WHAMM: variants seen among roughly 807,000 people sequenced by gnomAD.
WHAMM encodes WASP homolog-associated protein with actin, membranes and microtubules.
A neutral mutation model predicts 76.5 loss-of-function variants in WHAMM; 67 were observed. The observed-to-expected ratio is 0.88, with a 90% CI of 0.72 to 1.07. The LOEUF (loss-of-function observed/expected upper bound fraction) is 1.07. WHAMM is among the 50% of genes least tolerant of loss of function. The probability of loss-of-function intolerance (pLI) is 0.00; values close to 1 mark genes in which losing one functional copy is unlikely to be tolerated. For synonymous variants in WHAMM, 419 were observed against 422.1 expected (o/e 0.99, Z 0.09); for missense variants, 1,021 against 1,051.1 (o/e 0.97, Z 0.40).
intron 1 of WHAMM, among the ~76,000 whole-genome samples, chr15:82,811,305 A>T (rs565635452): frequency 6.6e-6 from 1 of 152,182 alleles, no homozygotes; most frequent in East Asian, 1.9e-4. Context: ...TCAGCGTTTG[A>T]TCTTCAACTT....
chr15:82,810,344 G>C lies in WHAMM; in HGVS notation c.609+9G>C. On this transcript the variant is annotated intron_variant, in intron 1 of 9. Transcript: ENST00000286760. Reference sequence around the variant, plus strand: ...ACGCGCGGCTGCGCCAGGTAAGCGAGGCCCGGTCGCCGGCGTTCGTCCGCG... The same window carrying C: ...ACGCGCGGCTGCGCCAGGTAAGCGACGCCCGGTCGCCGGCGTTCGTCCGCG... 7.7e-7 allele frequency: 1 copy of C among 1,306,598 alleles called. No homozygotes were observed. The highest frequency in any genetic ancestry group is 9.7e-7 in the Non-Finnish European group (1 of 1,032,594). 80.9% of individuals were successfully genotyped at this position (1,306,598 alleles called of 1,614,324 possible).
rs371290123 is a variant in WHAMM, at chr15:82,830,703, G to T, written c.1746G>T (p.Ala582=). The change falls in exon 9 of 10, where the codon GCG becomes GCT. Residue 582 remains alanine, a synonymous_variant. Coordinates refer to ENST00000286760, the MANE Select transcript of WHAMM (RefSeq NM_001080435.3). ...SQQMCLPASH[A]VSVIHPSSRK... is the part of the protein sequence containing the mutation. ...AGATGTGCTTGCCAGCTTCCCACGC[G>T]GTGTCAGTAATTCACCCGTCCTCTA... 1.2e-6 allele frequency: 2 copies of T among 1,613,858 alleles called. No individual in the cohort carries two copies. The highest frequency in any genetic ancestry group is 1.1e-5 in the South Asian group (1 of 91,074).
chr15:82,833,701 CT>C lies in WHAMM; in HGVS notation c.*171del, dbSNP rs1193968608. The C allele has an allele frequency of 1.5e-6, 1 of 685,312 alleles. No homozygotes were observed. Among genetic ancestry groups the C allele is most frequent in the Non-Finnish European group, 2.3e-6 (1 of 437,592 alleles). The allele number at this position is 685,312 out of a possible 1,614,324, so 42.5% of individuals were successfully genotyped here. ...CTGCTGCAGCATTTTTTTTTTTTTT[CT>C]TTTTTGAGATGGAGTCTCACTCTGT... On this transcript the variant is annotated 3_prime_UTR_variant, in exon 10 of 10. Transcript: ENST00000286760.
intron 9 of WHAMM, among the ~76,000 whole-genome samples, chr15:82,831,828 A>G (rs905989548): frequency 6.6e-6 from 1 of 152,204 alleles, no homozygotes; most frequent in Non-Finnish European, 1.5e-5. Flanking sequence ...AGCAAAATTT[A>G]TGTAAATTTG....
At chr15:82,820,762 G>A (rs962844571) in intron 5 of WHAMM, among the ~76,000 whole-genome samples, 1 of 151,998 alleles carries the variant, frequency 6.6e-6, no homozygotes, top group East Asian at 1.9e-4. Context: ...GGGCATGATG[G>A]TAGGCGCCTG....
At chr15:82,811,240 C>T (rs1326520704) in intron 1 of WHAMM, among the ~76,000 whole-genome samples, 1 of 152,204 alleles carries the variant, frequency 6.6e-6, no homozygotes, top group African/African-American at 2.4e-5. Flanking sequence ...ACACCCACTT[C>T]TCGTGTTGAT....
In WHAMM at chr15:82,810,344, G is replaced by T; in HGVS notation, c.609+9G>T. 7.7e-7 allele frequency: 1 copy of T among 1,306,598 alleles called. No homozygotes were observed. The highest frequency in any genetic ancestry group is 3.2e-5 in the East Asian group (1 of 31,560). 80.9% of individuals were successfully genotyped at this position (1,306,598 alleles called of 1,614,324 possible). A position where few individuals can be genotyped will look rare whatever the true frequency, so the allele number is the denominator to read the frequency against. ...ACGCGCGGCTGCGCCAGGTAAGCGAGGCCCGGTCGCCGGCGTTCGTCCGCG... is the reference window on the plus strand; with the variant it reads ...ACGCGCGGCTGCGCCAGGTAAGCGATGCCCGGTCGCCGGCGTTCGTCCGCG... On this transcript the variant is annotated intron_variant, in intron 1 of 9. Coordinates refer to ENST00000286760, the MANE Select transcript of WHAMM (RefSeq NM_001080435.3).
At position 82,809,881 on chromosome 15, in the gene WHAMM, A is replaced by T; in HGVS notation, c.155A>T (p.Gln52Leu). The T allele has an allele frequency of 6.4e-7, 1 of 1,560,326 alleles. No homozygotes were observed. Among genetic ancestry groups the T allele is most frequent in the Non-Finnish European group, 8.7e-7 (1 of 1,151,506 alleles). The part of the protein sequence containing the change: ...AVTCHDRTAQ[Q>L]RRLREGARLG... ...ACTTGTCACGACCGTACCGCGCAGC[A>T]GCGGCGGCTGCGCGAGGGGGCCCGG... The change falls in exon 1 of 10, where the codon CAG becomes CTG. Residue 52 changes from glutamine (Q) to leucine (L), a missense_variant. Around this residue, in one of 3 missense-constraint regions of WHAMM, gnomAD observed 501 missense variants for 524.9 expected, o/e 0.95. Coordinates refer to ENST00000286760, the MANE Select transcript of WHAMM (RefSeq NM_001080435.3).
At chr15:82,833,196 T>C (rs764390799) in intron 9 of WHAMM, 33 bp from the exon 10 acceptor site, 5 of 1,591,524 alleles carry the variant, frequency 3.1e-6, no homozygotes, top group African/African-American at 1.3e-5. Flanking sequence ...AAGTGTTTTA[T>C]TGATAGTACT....
Position 82,835,050 on chromosome 15 carries a change from C to T in WHAMM, c.*1514C>T, listed in dbSNP as rs17292592. ...CTCTGGTGATATTACTCCTGGGTCT[C>T]CACAGAACAAAAGGAACGCACCTCG... On this transcript the variant is annotated 3_prime_UTR_variant, in exon 10 of 10. Transcript: ENST00000286760. 0.027 allele frequency: 4,181 copies of T among 152,284 alleles called. 80 individuals are homozygous for T. The highest frequency in any genetic ancestry group is 0.068 in the Middle Eastern group (20 of 294). 9.4% of individuals were successfully genotyped at this position (152,284 alleles called of 1,614,324 possible). A position where few individuals can be genotyped will look rare whatever the true frequency, so the allele number is the denominator to read the frequency against.
intron 1 of WHAMM, among the ~76,000 whole-genome samples, chr15:82,811,109 G>A (rs1214515334): frequency 6.6e-6 from 1 of 152,200 alleles, no homozygotes; most frequent in Non-Finnish European, 1.5e-5. Flanking sequence ...AAGGGGAAGT[G>A]AAGAGAAGAA....
rs1389791189 is a variant in WHAMM, at chr15:82,813,204, G to A, written c.711G>A (p.Met237Ile). The A allele has an allele frequency of 3.7e-6, 6 of 1,612,806 alleles. No individual in the cohort carries two copies. The highest frequency in any genetic ancestry group is 4.2e-6 in the Non-Finnish European group (5 of 1,179,478). The change falls in exon 2 of 10, where the codon ATG (methionine) becomes ATA (isoleucine). Residue 237 changes from methionine to isoleucine, a missense_variant. By Grantham distance (10) the Met-to-Ile change is conservative. Transcript: ENST00000286760. ...AGGAATTGGTTACCGTGGCAACCATGTTCTTCCAGTACTTATTGCAGCCAT... is the reference window on the plus strand; with the variant it reads ...AGGAATTGGTTACCGTGGCAACCATATTCTTCCAGTACTTATTGCAGCCAT... ...AYQELVTVATMFFQYLLQPFR... is the reference protein window; with the variant it reads ...AYQELVTVATIFFQYLLQPFR...
chr15:82,829,708 T>G (rs1023648636), intron 8 of WHAMM, among the ~76,000 whole-genome samples: 98 of 148,022 alleles, frequency 6.6e-4, no homozygotes, highest in Middle Eastern at 3.5e-3. Context: ...ATGGGGGGGG[T>G]GTGTGTGTGT....
At chr15:82,828,362 T>C (rs1241074266) in intron 8 of WHAMM, among the ~76,000 whole-genome samples, 1 of 152,132 alleles carries the variant, frequency 6.6e-6, no homozygotes, top group East Asian at 1.9e-4. Context: ...TTCTAAGTAC[T>C]AAGGCCCAGC....
chr15:82,830,588 T>C lies in WHAMM; in HGVS notation c.1642-11T>C, dbSNP rs777160483. On this transcript the variant is annotated splice_polypyrimidine_tract_variant and intron_variant, in intron 8 of 9. Transcript: ENST00000286760. ...TGTGGCAGATTGCTCACCATGGTTTTTCATTTTCAGAAACGCCTAGCTCAA... is the reference window on the plus strand; with the variant it reads ...TGTGGCAGATTGCTCACCATGGTTTCTCATTTTCAGAAACGCCTAGCTCAA... The C allele has an allele frequency of 6.2e-7, 1 of 1,600,750 alleles. No homozygotes were observed. Among genetic ancestry groups the C allele is most frequent in the Non-Finnish European group, 8.5e-7 (1 of 1,170,478 alleles).
In WHAMM at chr15:82,818,096, C is replaced by G; in HGVS notation, c.1104+7C>G. ...AGCTGAAATTCAGGGAAAGGTAAGA[C>G]AAAGATAAACATAACTTTGTTTTAA... is the stretch of plus-strand genomic sequence containing the variant. On this transcript the variant is annotated splice_region_variant and intron_variant, in intron 4 of 9. Coordinates refer to ENST00000286760, the MANE Select transcript of WHAMM (RefSeq NM_001080435.3). The G allele has an allele frequency of 6.5e-7, 1 of 1,535,284 alleles. No homozygotes were observed. Among genetic ancestry groups the G allele is most frequent in the South Asian group, 1.2e-5 (1 of 82,022 alleles).
intron 2 of WHAMM, among the ~76,000 whole-genome samples, chr15:82,815,999 T>G (rs2050720449): frequency 6.6e-6 from 1 of 152,210 alleles, no homozygotes; most frequent in Non-Finnish European, 1.5e-5. Flanking sequence ...AGATCCATTG[T>G]CTTGTGAGGG....
chr15:82,812,182 C>T (rs2050639051), intron 1 of WHAMM, among the ~76,000 whole-genome samples: 2 of 152,182 alleles, frequency 1.3e-5, no homozygotes, highest in Non-Finnish European at 2.9e-5. Flanking sequence ...AGAGAATCAA[C>T]ATGCTGAAGT....
At chr15:82,829,979 T>G (rs1347118183) in intron 8 of WHAMM, among the ~76,000 whole-genome samples, 1 of 152,208 alleles carries the variant, frequency 6.6e-6, no homozygotes, top group African/African-American at 2.4e-5. Flanking sequence ...TTTTTTAAAT[T>G]ATGAAATTAA....
Sources: allele counts gnomAD v4.1 joint callset (sites outside exome capture counted in the v4.1 genomes callset), GRCh38; gene constraint gnomAD v4.1.1; regional missense constraint gnomAD v4.1.1; transcripts MANE v1.5; gene names NCBI Gene and HGNC (gene_info 2026-07-23, HGNC 2026-07-21).